BACH2: variants seen among roughly 807,000 people sequenced by gnomAD.
The protein encoded by BACH2 is transcription regulator protein BACH2.
In BACH2, 5 loss-of-function variants were observed where a neutral mutation model predicts 61.8. The ratio of observed to expected loss-of-function variants is 0.08; its 90% confidence interval spans 0.04 to 0.17. The LOEUF is 0.17. Among genes scored for constraint, BACH2 ranks in the 10% least tolerant of loss-of-function variants. The pLI, the probability that BACH2 is intolerant of heterozygous loss-of-function variation, is 1.00. For missense variants in BACH2, 824 were observed against 1,091.1 expected (o/e 0.76, Z 3.45); for synonymous variants, 446 against 440.1 (o/e 1.01, Z -0.17).
intron 4 of BACH2, among the ~76,000 whole-genome samples, chr6:90,202,577 A>C (rs1768991788): frequency 6.6e-6 from 1 of 152,202 alleles, no homozygotes; most frequent in Non-Finnish European, 1.5e-5. Flanking sequence ...TCTGAACATA[A>C]CAAGGAAGAA....
intron 5 of BACH2, among the ~76,000 whole-genome samples, chr6:90,057,220 T>C (rs9444738): frequency 0.32 from 48,224 of 151,936 alleles, 8,591 homozygotes; most frequent in East Asian, 0.82. Context: ...ATTGATAGAC[T>C]GCTAGCAAGA....
chr6:90,281,892 A>G (rs1771868975), intron 1 of BACH2, among the ~76,000 whole-genome samples: 1 of 152,168 alleles, frequency 6.6e-6, no homozygotes, highest in Non-Finnish European at 1.5e-5. Context: ...ACTGAAGTTC[A>G]GAAATTCATC....
At chr6:90,096,492 C>A (rs1782385709) in intron 4 of BACH2, among the ~76,000 whole-genome samples, 1 of 152,324 alleles carries the variant, frequency 6.6e-6, no homozygotes, top group Non-Finnish European at 1.5e-5. Flanking sequence ...CCATGTAAGA[C>A]CCACAGCAGC....
At chr6:90,251,552 T>C (rs888623883) in intron 3 of BACH2, among the ~76,000 whole-genome samples, 1 of 97,496 alleles carries the variant, frequency 1.0e-5, no homozygotes, top group African/African-American at 2.7e-5. Context: ...ATCAACACTC[T>C]TTTGCTAGTC....
intron 7 of BACH2, among the ~76,000 whole-genome samples, chr6:89,943,727 A>G (rs1221496263): frequency 1.3e-5 from 2 of 152,218 alleles, no homozygotes; most frequent in Admixed American, 6.5e-5. Flanking sequence ...CCAGAAACAA[A>G]TATTTCCTGT....
At chr6:90,036,273 C>A (rs1170020053) in intron 5 of BACH2, among the ~76,000 whole-genome samples, 1 of 151,188 alleles carries the variant, frequency 6.6e-6, no homozygotes, top group Non-Finnish European at 1.5e-5. Flanking sequence ...TTATTCCCAG[C>A]AGGGCAGTAA....
intron 4 of BACH2, among the ~76,000 whole-genome samples, chr6:90,158,908 T>C (rs997180899): frequency 1.3e-5 from 2 of 152,176 alleles, no homozygotes; most frequent in African/African-American, 2.4e-5. Context: ...AAAAATATCA[T>C]CTCTTAATTT....
chr6:90,280,466 G>C (rs1289641287), intron 1 of BACH2, among the ~76,000 whole-genome samples: 1 of 152,092 alleles, frequency 6.6e-6, no homozygotes, highest in African/African-American at 2.4e-5. Flanking sequence ...AACATCCCAA[G>C]GTGTTTTAAA....
At chr6:90,046,938 T>G (rs1272796239) in intron 5 of BACH2, among the ~76,000 whole-genome samples, 1 of 151,866 alleles carries the variant, frequency 6.6e-6, no homozygotes, top group Non-Finnish European at 1.5e-5. Flanking sequence ...TCTTTCTTTC[T>G]TTCTTTTTTT....
chr6:90,223,995 T>A (rs974966982), intron 3 of BACH2, among the ~76,000 whole-genome samples: 3 of 152,200 alleles, frequency 2.0e-5, no homozygotes, highest in Admixed American at 6.5e-5. Flanking sequence ...ACATAACAAG[T>A]TCAAATTCCT....
At chr6:90,138,432 G>A (rs1333898109) in intron 4 of BACH2, among the ~76,000 whole-genome samples, 1 of 152,206 alleles carries the variant, frequency 6.6e-6, no homozygotes, top group Non-Finnish European at 1.5e-5. Flanking sequence ...GTGGGAGGCA[G>A]AGGCTGTAGT....
intron 5 of BACH2, among the ~76,000 whole-genome samples, chr6:90,059,095 A>T (rs962644319): frequency 6.6e-6 from 1 of 152,246 alleles, no homozygotes; most frequent in Non-Finnish European, 1.5e-5. Flanking sequence ...CACCAAAAGC[A>T]ATGGCAACAA....
intron 5 of BACH2, among the ~76,000 whole-genome samples, chr6:90,020,034 T>C (rs1778291253): frequency 1.3e-5 from 2 of 152,216 alleles, no homozygotes; most frequent in African/African-American, 4.8e-5. Context: ...TATATCACTT[T>C]CGTGGAGCTG....
intron 8 of BACH2, among the ~76,000 whole-genome samples, chr6:89,933,464 T>C (rs774033736): frequency 1.3e-5 from 2 of 152,060 alleles, no homozygotes; most frequent in Admixed American, 1.3e-4. Flanking sequence ...ATCCATGTCA[T>C]TATACATTTG....
At chr6:90,257,834 G>A (rs374985288) in intron 2 of BACH2, among the ~76,000 whole-genome samples, 4 of 152,204 alleles carry the variant, frequency 2.6e-5, no homozygotes, top group African/African-American at 9.6e-5. Flanking sequence ...AGAGTGCAGT[G>A]GCGCCATCTC....
intron 5 of BACH2, among the ~76,000 whole-genome samples, chr6:90,079,683 G>A (rs1781637852): frequency 6.6e-6 from 1 of 152,116 alleles, no homozygotes; most frequent in South Asian, 2.1e-4. Flanking sequence ...TTAACAGAGT[G>A]ATTTTGCTTG....
intron 4 of BACH2, among the ~76,000 whole-genome samples, chr6:90,197,012 A>C (rs1026278304): frequency 6.6e-6 from 1 of 152,244 alleles, no homozygotes; most frequent in African/African-American, 2.4e-5. Context: ...ATTATTCTGC[A>C]AATTGTAAAT....
chr6:90,060,586 T>C (rs906102262), intron 5 of BACH2, among the ~76,000 whole-genome samples: 2 of 152,206 alleles, frequency 1.3e-5, no homozygotes, highest in African/African-American at 2.4e-5. Context: ...TAGTCTAGTT[T>C]CTTCTTATCT....
At chr6:90,205,597 TC>T (rs1228248424) in intron 4 of BACH2, among the ~76,000 whole-genome samples, 1 of 152,168 alleles carries the variant, frequency 6.6e-6, no homozygotes, top group Non-Finnish European at 1.5e-5. Context: ...AGGCTGAGAA[TC>T]CCTGCTCCAG....
Sources: gnomAD v4.1 joint callset for allele counts (sites outside exome capture counted in the v4.1 genomes callset) on GRCh38, gnomAD v4.1.1 for gene constraint, MANE v1.5 for transcripts, NCBI Gene and HGNC (gene_info 2026-07-23, HGNC 2026-07-21) for gene names.